Variants in RUNX1 observed in about 807,000 individuals in gnomAD.
RUNX1 encodes RUNX family transcription factor 1.
A neutral mutation model predicts 42.8 loss-of-function variants in RUNX1; 19 were observed. The observed-to-expected ratio is 0.44, with a 90% CI of 0.31 to 0.65. RUNX1 has a LOEUF of 0.65. Among genes scored for constraint, RUNX1 ranks in the 30% least tolerant of loss-of-function variants. The pLI, the probability that RUNX1 is intolerant of heterozygous loss-of-function variation, is 0.07. For missense variants in RUNX1, 528 were observed against 672.0 expected, an observed-to-expected ratio of 0.79 and a Z score of 2.37; for synonymous variants, 271 against 289.4, an observed-to-expected ratio of 0.94 and a Z score of 0.64.
chr21:34,792,374 A>G lies in RUNX1; in HGVS notation c.1204T>C (p.Ser402Pro). The G allele has an allele frequency of 6.4e-7, 1 of 1,562,070 alleles. No individual in the cohort carries two copies. Among genetic ancestry groups the G allele is most frequent in the Non-Finnish European group, 8.7e-7 (1 of 1,153,222 alleles). The change falls in exon 9 of 9, where the codon TCC (serine) becomes CCC (proline). Residue 402 changes from serine to proline, a missense_variant. Around this residue, in one of 3 missense-constraint regions of RUNX1, gnomAD observed 331 missense variants for 382.5 expected, o/e 0.87. Transcript: ENST00000675419. The surrounding 1 kb of genome is among the most constrained non-coding windows in gnomAD (Gnocchi z 6.9). Reference sequence around the variant, plus strand: ...GAGGCGCCGTAGTACAGGTGGTAGGAGGGCGAGCTGGCTTGGAACGGGCCT... The same window carrying G: ...GAGGCGCCGTAGTACAGGTGGTAGGGGGGCGAGCTGGCTTGGAACGGGCCT... ...QGGPFQASSP[S>P]YHLYYGASAG...
At chr21:34,807,542 G>T (rs1341606327) in intron 7 of RUNX1, among the ~76,000 whole-genome samples, 1 of 152,184 alleles carries the variant, frequency 6.6e-6, no homozygotes, top group African/African-American at 2.4e-5. Flanking sequence ...CCTAGGGGCA[G>T]CCCTGGTTAT....
intron 2 of RUNX1, among the ~76,000 whole-genome samples, chr21:35,043,273 CT>C (rs1367643613): frequency 6.6e-6 from 1 of 152,186 alleles, no homozygotes; most frequent in African/African-American, 2.4e-5. Flanking sequence ...AGACATACCT[CT>C]TTGCCTTGGC....
intron 2 of RUNX1, among the ~76,000 whole-genome samples, chr21:34,964,352 G>A (rs903349927): frequency 2.0e-5 from 3 of 152,058 alleles, no homozygotes; most frequent in Non-Finnish European, 2.9e-5. Flanking sequence ...GCCAGGCATG[G>A]TGGCACACGC....
intron 2 of RUNX1, among the ~76,000 whole-genome samples, chr21:35,015,095 G>A (rs930055815): frequency 9.9e-5 from 15 of 152,210 alleles, no homozygotes; most frequent in African/African-American, 1.9e-4. Flanking sequence ...GTGAATAAGC[G>A]CGGAGATGCT....
intron 6 of RUNX1, among the ~76,000 whole-genome samples, chr21:34,856,748 T>C (rs1169069002): frequency 6.6e-6 from 1 of 152,206 alleles, no homozygotes; most frequent in African/African-American, 2.4e-5. Context: ...CAATTTGACC[T>C]TGGCAATGCC....
At chr21:34,913,138 A>G (rs906053530) in intron 2 of RUNX1, among the ~76,000 whole-genome samples, 13 of 152,184 alleles carry the variant, frequency 8.5e-5, no homozygotes, top group Admixed American at 7.2e-4. Context: ...AGGGTGAAGC[A>G]GGAAGAATTG....
chr21:34,859,444 G>A (rs2146233681), intron 6 of RUNX1, 30 bp downstream of exon 6: 1 of 1,449,956 alleles, frequency 6.9e-7, no homozygotes, highest in Non-Finnish European at 9.7e-7. Flanking sequence ...CAGCCTGGAG[G>A]GTGTACCAGC....
intron 3 of RUNX1, chr21:34,889,566 G>T: frequency 1.4e-6 from 1 of 705,182 alleles, no homozygotes. Flanking sequence ...GGCACCCGCA[G>T]CAGCCGGACA....
At chr21:34,820,539 C>T (rs896771437) in intron 7 of RUNX1, among the ~76,000 whole-genome samples, 2 of 151,694 alleles carry the variant, frequency 1.3e-5, no homozygotes, top group Admixed American at 6.6e-5. Context: ...TCTGTAATCC[C>T]GACTCTGTAA....
intron 3 of RUNX1, chr21:34,888,344 A>G: frequency 9.4e-7 from 1 of 1,060,610 alleles, no homozygotes; most frequent in Non-Finnish European, 1.1e-6. Flanking sequence ...TGCCACGCAC[A>G]CTGCCACGCA....
intron 2 of RUNX1, among the ~76,000 whole-genome samples, chr21:35,028,594 T>C (rs1051588147): frequency 2.6e-5 from 4 of 152,250 alleles, no homozygotes; most frequent in African/African-American, 9.6e-5. Context: ...ACTGCTGTGG[T>C]ATTAATGATA....
intron 2 of RUNX1, among the ~76,000 whole-genome samples, chr21:34,940,777 G>A (rs1180156116): frequency 1.3e-5 from 2 of 152,214 alleles, no homozygotes; most frequent in Non-Finnish European, 1.5e-5. Context: ...CAGAAGTGGT[G>A]CAGGAATTTA....
chr21:34,971,258 A>G (rs2058761755), intron 2 of RUNX1, among the ~76,000 whole-genome samples: 1 of 152,220 alleles, frequency 6.6e-6, no homozygotes, highest in African/African-American at 2.4e-5. Context: ...GTAGCTGCCA[A>G]TGAAGACTCT....
At chr21:35,018,386 C>A (rs991767759) in intron 2 of RUNX1, among the ~76,000 whole-genome samples, 6 of 152,120 alleles carry the variant, frequency 3.9e-5, no homozygotes, top group African/African-American at 1.4e-4. Flanking sequence ...TGGAACAGAT[C>A]CTTCCCTCAT....
intron 2 of RUNX1, among the ~76,000 whole-genome samples, chr21:34,906,645 A>G (rs1475840): frequency 0.57 from 87,191 of 152,076 alleles, 27,740 homozygotes; most frequent in African/African-American, 0.87. Flanking sequence ...TCTTTGAATT[A>G]CATGCATTTA....
chr21:34,985,576 A>G (rs560992422), intron 2 of RUNX1, among the ~76,000 whole-genome samples: 37 of 152,220 alleles, frequency 2.4e-4, no homozygotes, highest in Non-Finnish European at 4.9e-4. Context: ...CCACACACCA[A>G]TCCCTATACT....
At chr21:35,047,128 T>C (rs973042118) in intron 2 of RUNX1, among the ~76,000 whole-genome samples, 4 of 152,190 alleles carry the variant, frequency 2.6e-5, no homozygotes, top group Non-Finnish European at 5.9e-5. Context: ...AATGGAATGC[T>C]TAAAAATTTC....
At chr21:34,871,608 C>T (rs183261908) in intron 5 of RUNX1, among the ~76,000 whole-genome samples, 15 of 152,216 alleles carry the variant, frequency 9.9e-5, no homozygotes, top group East Asian at 3.9e-4. Flanking sequence ...GTGTAAAAAC[C>T]GGTGATGGCA....
At chr21:34,906,468 G>A (rs1325327952) in intron 2 of RUNX1, among the ~76,000 whole-genome samples, 2 of 152,156 alleles carry the variant, frequency 1.3e-5, no homozygotes, top group Non-Finnish European at 2.9e-5. Flanking sequence ...CAGACATTGT[G>A]GCAAGGGCTT....
Sources: allele counts gnomAD v4.1 joint callset (sites outside exome capture counted in the v4.1 genomes callset), GRCh38; gene constraint gnomAD v4.1.1; regional missense constraint gnomAD v4.1.1; non-coding constraint Gnocchi (gnomAD v3.1); transcripts MANE v1.5; gene names NCBI Gene and HGNC (gene_info 2026-07-23, HGNC 2026-07-21).